The following AGBL4 variants were observed in gnomAD, a reference collection of about 807,000 sequenced individuals.
AGBL4 encodes the protein cytosolic carboxypeptidase 6.
Under a neutral mutation model 66.4 loss-of-function variants are expected in AGBL4, and 58 were observed. The ratio of observed to expected loss-of-function variants is 0.87; its 90% CI spans 0.71 to 1.09. The LOEUF is 1.09. AGBL4 is among the 50% of genes least tolerant of loss of function. The probability of loss-of-function intolerance (pLI) is 0.00; values close to 1 mark genes in which losing one functional copy is unlikely to be tolerated. For synonymous variants in AGBL4, 234 were observed against 222.9 expected, an observed-to-expected ratio of 1.05 and a Z score of -0.44; for missense variants, 579 against 631.0, an observed-to-expected ratio of 0.92 and a Z score of 0.88.
intron 3 of AGBL4, among the ~76,000 whole-genome samples, chr1:49,439,014 C>T (rs566532503): frequency 6.6e-6 from 1 of 152,220 alleles, no homozygotes; most frequent in East Asian, 1.9e-4. Context: ...TCTTAAAGAT[C>T]CCACCTATTA....
At chr1:48,770,630 T>C (rs1644768746) in intron 6 of AGBL4, among the ~76,000 whole-genome samples, 1 of 152,222 alleles carries the variant, frequency 6.6e-6, no homozygotes, top group Admixed American at 6.5e-5. Flanking sequence ...ACATGCCTAC[T>C]TGCTCTCCTG....
chr1:48,942,230 AG>A (rs1656040011), intron 5 of AGBL4, among the ~76,000 whole-genome samples: 1 of 151,788 alleles, frequency 6.6e-6, no homozygotes, highest in Non-Finnish European at 1.5e-5. Flanking sequence ...GAAAAGACAA[AG>A]GCCTACTGAA....
chr1:48,636,450 G>T (rs927579425), intron 8 of AGBL4, among the ~76,000 whole-genome samples: 2 of 152,140 alleles, frequency 1.3e-5, no homozygotes, highest in Non-Finnish European at 2.9e-5. Context: ...GAAAACAAAG[G>T]CTTAGAAAAT....
intron 11 of AGBL4, among the ~76,000 whole-genome samples, chr1:48,567,463 T>C (rs560910021): frequency 3.3e-5 from 5 of 152,252 alleles, no homozygotes; most frequent in Admixed American, 2.0e-4. Flanking sequence ...CTAGTAGAGA[T>C]GTTAATACAG....
At chr1:48,577,931 G>A (rs994485342) in intron 11 of AGBL4, among the ~76,000 whole-genome samples, 5 of 152,152 alleles carry the variant, frequency 3.3e-5, no homozygotes, top group Non-Finnish European at 5.9e-5. Flanking sequence ...AAACCTAACA[G>A]GCAGAGTGGA....
intron 1 of AGBL4, among the ~76,000 whole-genome samples, chr1:49,965,966 G>A (rs1489499773): frequency 2.0e-5 from 3 of 147,958 alleles, no homozygotes; most frequent in African/African-American, 7.5e-5. Context: ...TTTTGAGACG[G>A]AGTCTCGCTC....
At chr1:49,530,261 A>AAAAAAAAAAAC (rs1650999150) in intron 3 of AGBL4, among the ~76,000 whole-genome samples, 1 of 138,326 alleles carries the variant, frequency 7.2e-6, no homozygotes, top group East Asian at 2.0e-4. Context: ...AGAATTTGTA[A>AAAAAAAAAAAC]AAAAAAAAAA....
At chr1:49,822,863 C>A (rs772369004) in intron 2 of AGBL4, among the ~76,000 whole-genome samples, 1 of 152,274 alleles carries the variant, frequency 6.6e-6, no homozygotes, top group African/African-American at 2.4e-5. Context: ...CCTGGGCACA[C>A]AAATAGACTT....
intron 2 of AGBL4, among the ~76,000 whole-genome samples, chr1:49,715,800 GTTGT>G (rs1248971977): frequency 6.6e-6 from 1 of 152,064 alleles, no homozygotes; most frequent in African/African-American, 2.4e-5. Context: ...TTTTGATGAA[GTTGT>G]TTGTTTTTTC....
At chr1:49,172,094 T>C (rs953006747) in intron 4 of AGBL4, among the ~76,000 whole-genome samples, 2 of 152,226 alleles carry the variant, frequency 1.3e-5, no homozygotes, top group Admixed American at 6.5e-5. Context: ...CCAGCTATTA[T>C]AGAGGATAAA....
intron 3 of AGBL4, among the ~76,000 whole-genome samples, chr1:49,645,647 C>A (rs141381375): frequency 2.0e-5 from 3 of 151,108 alleles, no homozygotes; most frequent in Admixed American, 6.6e-5. Flanking sequence ...TTTATAAAAT[C>A]TCTTTTTAAA....
chr1:49,554,647 T>C (rs1394013761), intron 3 of AGBL4, among the ~76,000 whole-genome samples: 2 of 152,190 alleles, frequency 1.3e-5, no homozygotes, highest in East Asian at 1.9e-4. Context: ...CGCCCACAAA[T>C]GTGTCCAGAA....
intron 3 of AGBL4, among the ~76,000 whole-genome samples, chr1:49,381,590 C>T (rs1644611412): frequency 6.6e-6 from 1 of 152,024 alleles, no homozygotes; most frequent in Admixed American, 6.6e-5. Context: ...AGACTTGGAA[C>T]CAACCCAAAT....
chr1:49,691,022 G>A (rs1169234183), intron 3 of AGBL4, among the ~76,000 whole-genome samples: 1 of 152,080 alleles, frequency 6.6e-6, no homozygotes, highest in Non-Finnish European at 1.5e-5. Flanking sequence ...TTTGCTTGAT[G>A]ATGATGATGA....
chr1:49,925,276 A>T (rs1270806575), intron 1 of AGBL4, among the ~76,000 whole-genome samples: 17 of 152,164 alleles, frequency 1.1e-4, no homozygotes. Context: ...ACATTTCTGG[A>T]CATGCCCTAG....
intron 3 of AGBL4, among the ~76,000 whole-genome samples, chr1:49,595,017 T>C (rs527364374): frequency 6.6e-6 from 1 of 152,296 alleles, no homozygotes; most frequent in Admixed American, 6.5e-5. Flanking sequence ...TTTCTCCACA[T>C]CCTCACCAGC....
chr1:48,870,196 C>T (rs1648510353), intron 5 of AGBL4, among the ~76,000 whole-genome samples: 3 of 152,010 alleles, frequency 2.0e-5, no homozygotes, highest in South Asian at 4.2e-4. Flanking sequence ...TCTTCCAATG[C>T]ATCTTGCAAA....
At chr1:49,004,944 A>G (rs953051147) in intron 5 of AGBL4, among the ~76,000 whole-genome samples, 19 of 152,188 alleles carry the variant, frequency 1.2e-4, no homozygotes, top group Non-Finnish European at 2.6e-4. Context: ...ACGAGTTTAG[A>G]GCAAGATGTT....
chr1:49,698,230 C>T (rs1571351190), intron 2 of AGBL4, among the ~76,000 whole-genome samples: 2 of 150,236 alleles, frequency 1.3e-5, no homozygotes, highest in Non-Finnish European at 2.9e-5. Context: ...TTAGACAATT[C>T]ACTTAACCTC....
Sources: allele counts gnomAD v4.1 joint callset (sites outside exome capture counted in the v4.1 genomes callset), GRCh38; gene constraint gnomAD v4.1.1; transcripts MANE v1.5; gene names NCBI Gene and HGNC (gene_info 2026-07-23, HGNC 2026-07-21).